Variants in DNAAF10 observed in about 807,000 individuals in gnomAD.
The protein encoded by DNAAF10 is WD repeat domain 92.
Under a neutral mutation model 43.7 loss-of-function variants are expected in DNAAF10, and 28 were observed. The observed-to-expected ratio is 0.64, with a 90% CI of 0.48 to 0.88. The LOEUF is 0.88. Among genes scored for constraint, DNAAF10 ranks in the 40% least tolerant of loss-of-function variants. The probability of loss-of-function intolerance (pLI) is 0.00; values close to 1 mark genes in which losing one functional copy is unlikely to be tolerated. For missense variants in DNAAF10, 403 were observed against 439.1 expected (o/e 0.92, Z 0.73); for synonymous variants, 156 against 157.3 (o/e 0.99, Z 0.06).
chr2:68,137,220 C>A, intron 6 of DNAAF10, 79 bp downstream of exon 6: 1 of 1,442,962 alleles, frequency 6.9e-7, no homozygotes, highest in East Asian at 2.5e-5. Context: ...CTGGAAGAAA[C>A]CTTGGTGACT....
intron 7 of DNAAF10, among the ~76,000 whole-genome samples, chr2:68,132,505 A>C (rs1379174546): frequency 6.6e-6 from 1 of 152,192 alleles, no homozygotes; most frequent in Non-Finnish European, 1.5e-5. Flanking sequence ...AATTTTTAAA[A>C]CCCTCCATAT....
intron 7 of DNAAF10, among the ~76,000 whole-genome samples, chr2:68,133,369 A>G (rs1159371734): frequency 6.6e-6 from 1 of 151,946 alleles, no homozygotes; most frequent in Non-Finnish European, 1.5e-5. Context: ...CAGCCTCCTA[A>G]GTAGCTGGGA....
intron 7 of DNAAF10, chr2:68,131,910 G>A: frequency 5.7e-6 from 1 of 175,834 alleles, no homozygotes; most frequent in South Asian, 1.2e-4. Context: ...ACTGATGCCA[G>A]CTTCTAACCC....
intron 1 of DNAAF10, among the ~76,000 whole-genome samples, chr2:68,154,966 G>T (rs1317094109): frequency 6.6e-6 from 1 of 151,858 alleles, no homozygotes; most frequent in Non-Finnish European, 1.5e-5. Flanking sequence ...TAGAGACGGG[G>T]TTTCCCCATG....
chr2:68,152,949 G>A (rs190264588), intron 1 of DNAAF10, among the ~76,000 whole-genome samples: 1 of 151,992 alleles, frequency 6.6e-6, no homozygotes, highest in African/African-American at 2.4e-5. Flanking sequence ...GTAGCACAGG[G>A]GCTAAAAAAG....
At chr2:68,143,020 G>A (rs1248368214) in intron 3 of DNAAF10, among the ~76,000 whole-genome samples, 1 of 151,984 alleles carries the variant, frequency 6.6e-6, no homozygotes, top group Non-Finnish European at 1.5e-5. Context: ...CCAAGTAGCT[G>A]GGACTATACC....
At chr2:68,136,029 C>T (rs964936664) in intron 6 of DNAAF10, among the ~76,000 whole-genome samples, 9 of 149,630 alleles carry the variant, frequency 6.0e-5, no homozygotes, top group African/African-American at 2.0e-4. Flanking sequence ...GACTGGGCAA[C>T]ACAGCAAGAC....
At chr2:68,157,181 G>A in intron 1 of DNAAF10, 80 bp downstream of exon 1, 3 of 1,512,150 alleles carry the variant, frequency 2.0e-6, no homozygotes, top group Non-Finnish European at 8.8e-7. Flanking sequence ...GCTGGGCGAA[G>A]GCTCTGGCAA....
Position 68,137,349 on chromosome 2 carries a change from C to T in DNAAF10, c.718G>A (p.Asp240Asn), listed in dbSNP as rs1673068506. The T allele has an allele frequency of 6.2e-7, 1 of 1,613,442 alleles. No individual in the cohort carries two copies. Among genetic ancestry groups the T allele is most frequent in the African/African-American group, 1.3e-5 (1 of 74,884 alleles). ...TSLEGKFHVF[D>N]MRTQHPTKGF... ...TTGGTTGGATGCTGTGTTCTCATGTCAAAAACATGGAACTTTCCTTCCAGA... is the reference window on the plus strand; with the variant it reads ...TTGGTTGGATGCTGTGTTCTCATGTTAAAAACATGGAACTTTCCTTCCAGA... The change falls in exon 6 of 8, where the codon GAC (aspartate) becomes AAC (asparagine). Residue 240 changes from aspartate to asparagine, a missense_variant. Transcript: ENST00000295121.
chr2:68,141,469 C>T (rs1322018077), intron 4 of DNAAF10, among the ~76,000 whole-genome samples: 2 of 152,166 alleles, frequency 1.3e-5, no homozygotes, highest in African/African-American at 4.8e-5. Flanking sequence ...ATCCAAGGAA[C>T]AGATAACTTT....
chr2:68,150,295 T>A lies in DNAAF10; in HGVS notation c.184-2728A>T, dbSNP rs963387072. ...AAACTATACTCCTGGAACACACTGA[T>A]CTTCTGTTACTAACATAATACATTA... is the stretch of plus-strand genomic sequence containing the variant. On this transcript the variant is annotated intron_variant, in intron 1 of 7. Coordinates refer to ENST00000295121, the MANE Select transcript of DNAAF10 (RefSeq NM_138458.4). Among the ~76,000 whole-genome samples, 7 of 152,372 alleles carry A rather than the reference T, an allele frequency of 4.6e-5. No homozygotes were observed. The South Asian group carries it at 1.4e-3, about 32-fold the overall frequency.
intron 1 of DNAAF10, among the ~76,000 whole-genome samples, chr2:68,155,862 C>T (rs558498567): frequency 1.7e-4 from 25 of 151,054 alleles, no homozygotes; most frequent in Admixed American, 1.1e-3. Context: ...TACGGGAGGC[C>T]GATGTAGGCA....
intron 1 of DNAAF10, chr2:68,157,039 T>C (rs978439928): frequency 3.1e-6 from 2 of 646,876 alleles, no homozygotes; most frequent in Admixed American, 6.1e-5. Flanking sequence ...TGGACTGCAC[T>C]GGGGGTGGCA....
At position 68,134,810 on chromosome 2, in the gene DNAAF10, C is replaced by A. The variant is rs1403067697; in HGVS notation, c.769-11G>T. ...AGTAGATTTATGAGCCTAAATAGAA[C>A]AAGAGGCATACAACTGGTTTATATG... On this transcript the variant is annotated splice_polypyrimidine_tract_variant and intron_variant, in intron 6 of 7. Transcript: ENST00000295121. The A allele has an allele frequency of 6.2e-7, 1 of 1,613,458 alleles. No individual in the cohort carries two copies. Among genetic ancestry groups the A allele is most frequent in the Non-Finnish European group, 8.5e-7 (1 of 1,179,864 alleles).
rs1394055182 is a variant in DNAAF10, at chr2:68,157,496, G to A, written c.-53C>T. The A allele has an allele frequency of 1.3e-5, 21 of 1,612,882 alleles. No homozygotes were observed. The highest frequency in any genetic ancestry group is 2.2e-5 in the East Asian group (1 of 44,870). On this transcript the variant is annotated 5_prime_UTR_variant, in exon 1 of 8. Transcript: ENST00000295121. ...CGCCACACCCAGAGCCCCCAAAAAC[G>A]GCAACCTGGAAACCAGACTCCAAAC...
chr2:68,146,921 C>T (rs1403461486), intron 2 of DNAAF10, among the ~76,000 whole-genome samples: 1 of 151,942 alleles, frequency 6.6e-6, no homozygotes, highest in African/African-American at 2.4e-5. Flanking sequence ...TCATTCCACT[C>T]TAAATAAGAA....
chr2:68,142,347 C>G (rs1170350383), intron 3 of DNAAF10, among the ~76,000 whole-genome samples: 1 of 152,168 alleles, frequency 6.6e-6, no homozygotes, highest in African/African-American at 2.4e-5. Context: ...ACCTCCGCCT[C>G]CTGGGTTTAA....
chr2:68,157,468 A>C lies in DNAAF10; in HGVS notation c.-25T>G. On this transcript the variant is annotated 5_prime_UTR_variant, in exon 1 of 8. Coordinates refer to ENST00000295121, the MANE Select transcript of DNAAF10 (RefSeq NM_138458.4). ...TGGTGCAGCCAATTTCAGCTACGGCAACCGCCACACCCAGAGCCCCCAAAA... is the reference window on the plus strand; with the variant it reads ...TGGTGCAGCCAATTTCAGCTACGGCCACCGCCACACCCAGAGCCCCCAAAA... 6.2e-7 allele frequency: 1 copy of C among 1,613,516 alleles called. No homozygotes were observed. Among genetic ancestry groups the C allele is most frequent in the Non-Finnish European group, 8.5e-7 (1 of 1,179,858 alleles).
chr2:68,157,264 C>T lies in DNAAF10; in HGVS notation c.180G>A (p.Arg60=). ...GGATCCTCGACCCGGCACCCACCTC[C>T]CGAAGCAGCTTCAGGTCCCCGTGCT... ...EIQHGDLKLL[R]EIEKAKPIKC... is the part of the protein sequence containing the mutation. Residue 60 remains arginine, a synonymous_variant, in exon 1 of 8, where the codon CGG becomes CGA. Transcript: ENST00000295121. 4.3e-6 allele frequency: 7 copies of T among 1,612,694 alleles called. No homozygotes were observed. Among genetic ancestry groups the T allele is most frequent in the Non-Finnish European group, 5.9e-6 (7 of 1,179,208 alleles).
Sources: gnomAD v4.1 joint callset for allele counts (sites outside exome capture counted in the v4.1 genomes callset) on GRCh38, gnomAD v4.1.1 for gene constraint, MANE v1.5 for transcripts, NCBI Gene and HGNC (gene_info 2026-07-23, HGNC 2026-07-21) for gene names.